Variants in MIPOL1 observed in about 807,000 individuals in gnomAD.
The protein encoded by MIPOL1 is mirror-image polydactyly gene 1 protein.
A neutral mutation model predicts 60.9 loss-of-function variants in MIPOL1; 57 were observed. The ratio of observed to expected loss-of-function variants is 0.94; its 90% CI spans 0.76 to 1.17. The LOEUF (loss-of-function observed/expected upper bound fraction) is 1.17, where lower values mean the gene tolerates loss of function less well. MIPOL1 is among the 50% of genes most tolerant of loss of function. The pLI is 0.00. For missense variants in MIPOL1, 551 were observed against 511.6 expected (o/e 1.08, Z -0.74); for synonymous variants, 179 against 168.8 (o/e 1.06, Z -0.47).
chr14:37,220,511 T>A (rs1337560115), intron 1 of MIPOL1, among the ~76,000 whole-genome samples: 1 of 152,188 alleles, frequency 6.6e-6, no homozygotes, highest in Non-Finnish European at 1.5e-5. Flanking sequence ...TATTGTGTGT[T>A]ATAGCTTATG....
chr14:37,503,344 A>G (rs78643190), intron 12 of MIPOL1: 2 of 152,228 alleles, frequency 1.3e-5, no homozygotes, highest in Non-Finnish European at 2.9e-5. Context: ...GAAGGAAAAA[A>G]TGTTAAGGGT....
In MIPOL1 at chr14:37,268,679, T is replaced by C. The variant is rs745485741; in HGVS notation, c.273T>C (p.Asn91=). 14 of 1,597,098 alleles carry C rather than the reference T, an allele frequency of 8.8e-6. No individual in the cohort carries two copies. In the Admixed American group the frequency reaches 1.1e-4, roughly 12 times the overall value. Residue 91 remains asparagine, a synonymous_variant, in exon 5 of 13, where the codon AAT becomes AAC. Transcript: ENST00000684589. ...ACAGCGTTATGGAACATAGACATAA[T>C]GATATGCATTATGAATGTATGACTC... ...EKYNVMEHRH[N]DMHYECMTPC...
intron 6 of MIPOL1, chr14:37,277,370 T>C (rs1048178125): frequency 6.6e-6 from 1 of 151,302 alleles, no homozygotes; most frequent in African/African-American, 2.4e-5. Flanking sequence ...TTTTAAGTTA[T>C]ATTTCAAAAG....
At chr14:37,399,372 A>G (rs978229997) in intron 10 of MIPOL1, among the ~76,000 whole-genome samples, 3 of 152,152 alleles carry the variant, frequency 2.0e-5, no homozygotes, top group African/African-American at 4.8e-5. Flanking sequence ...AGTATGTCCA[A>G]TCCCAGGTTC....
chr14:37,273,898 A>G (rs537858513), intron 6 of MIPOL1, among the ~76,000 whole-genome samples: 1 of 151,550 alleles, frequency 6.6e-6, no homozygotes, highest in African/African-American at 2.4e-5. Context: ...TTGTGTCTCA[A>G]ATTAATATTA....
chr14:37,205,955 A>G (rs749700371), intron 1 of MIPOL1, among the ~76,000 whole-genome samples: 4 of 152,164 alleles, frequency 2.6e-5, no homozygotes, highest in Non-Finnish European at 4.4e-5. Context: ...ATTCGGTTTT[A>G]TAAGGGAAGC....
chr14:37,369,656 A>G (rs759700701), intron 10 of MIPOL1, 32 bp downstream of exon 10: 2 of 1,542,670 alleles, frequency 1.3e-6, no homozygotes, highest in Non-Finnish European at 1.8e-6. Context: ...CAGGCAAATT[A>G]AGGTTGTAAG....
intron 12 of MIPOL1, among the ~76,000 whole-genome samples, chr14:37,531,123 G>T (rs1166144281): frequency 6.6e-6 from 1 of 152,022 alleles, no homozygotes; most frequent in Admixed American, 6.6e-5. Context: ...CAGCCAGAAA[G>T]AATTATACTA....
At chr14:37,242,711 T>C (rs1972546065) in intron 1 of MIPOL1, among the ~76,000 whole-genome samples, 2 of 152,148 alleles carry the variant, frequency 1.3e-5, no homozygotes, top group South Asian at 4.1e-4. Context: ...GATACTCTTC[T>C]AAGGATAGAG....
intron 10 of MIPOL1, among the ~76,000 whole-genome samples, chr14:37,399,255 AG>A (rs771861578): frequency 2.0e-5 from 3 of 152,214 alleles, no homozygotes; most frequent in Non-Finnish European, 2.9e-5. Flanking sequence ...AGCAGCTGCT[AG>A]TATTGGTGCC....
intron 12 of MIPOL1, among the ~76,000 whole-genome samples, chr14:37,522,740 T>G (rs1367088885): frequency 2.6e-5 from 4 of 152,174 alleles, no homozygotes; most frequent in African/African-American, 9.6e-5. Context: ...AATACATCAT[T>G]TATCGTGTAG....
intron 10 of MIPOL1, among the ~76,000 whole-genome samples, chr14:37,410,611 G>A (rs1020023158): frequency 2.0e-5 from 3 of 151,778 alleles, no homozygotes; most frequent in Admixed American, 6.6e-5. Context: ...ATGAATATTC[G>A]GTCAACAAAA....
chr14:37,236,965 G>T (rs1262241931), intron 1 of MIPOL1, among the ~76,000 whole-genome samples: 1 of 152,052 alleles, frequency 6.6e-6, no homozygotes, highest in Non-Finnish European at 1.5e-5. Context: ...TCTTTTCTGG[G>T]AATGCCTCTT....
intron 10 of MIPOL1, among the ~76,000 whole-genome samples, chr14:37,393,873 A>G (rs1566510335): frequency 6.8e-6 from 1 of 146,260 alleles, no homozygotes; most frequent in Non-Finnish European, 1.5e-5. Flanking sequence ...CCAAGTCCCC[A>G]AAGTCCATTG....
At position 37,549,907 on chromosome 14, in the gene MIPOL1, G is replaced by T. The variant is rs2153645378; in HGVS notation, c.*2936G>T. Reference sequence around the variant, plus strand: ...CCTGATGCTAAAACCTATCAGCTTAGTTTTTTAACATGGTAGTCTAAACTT... The same window carrying T: ...CCTGATGCTAAAACCTATCAGCTTATTTTTTTAACATGGTAGTCTAAACTT... On this transcript the variant is annotated 3_prime_UTR_variant, in exon 13 of 13. Transcript: ENST00000684589. The T allele has an allele frequency of 6.6e-6, 1 of 152,014 alleles. No individual in the cohort carries two copies. Among genetic ancestry groups the T allele is most frequent in the African/African-American group, 2.4e-5 (1 of 41,542 alleles). 9.4% of individuals were successfully genotyped at this position (152,014 alleles called of 1,614,324 possible). A position where few individuals can be genotyped will look rare whatever the true frequency, so the allele number is the denominator to read the frequency against.
At chr14:37,285,189 GATTGAT>G (rs1215215791) in intron 6 of MIPOL1, 123 bp from the exon 7 acceptor site, 9 of 879,244 alleles carry the variant, frequency 1.0e-5, no homozygotes, top group African/African-American at 1.7e-5. Flanking sequence ...TGAATTGATT[GATTGAT>G]ATTAATTCAG....
chr14:37,347,628 T>G (rs915709915), intron 9 of MIPOL1, among the ~76,000 whole-genome samples: 2 of 152,172 alleles, frequency 1.3e-5, no homozygotes, highest in African/African-American at 2.4e-5. Context: ...CTCCTAGAGA[T>G]ATTGTTGTAG....
intron 3 of MIPOL1, among the ~76,000 whole-genome samples, chr14:37,264,869 A>G (rs1411003402): frequency 6.6e-6 from 1 of 152,014 alleles, no homozygotes; most frequent in African/African-American, 2.4e-5. Flanking sequence ...TTTGGCTCTC[A>G]TTTCTTCTCT....
chr14:37,204,925 A>G (rs1350428510), intron 1 of MIPOL1, among the ~76,000 whole-genome samples: 2 of 152,198 alleles, frequency 1.3e-5, no homozygotes, highest in Admixed American at 1.3e-4. Flanking sequence ...GGCTTTGCCC[A>G]AAATGCTGAT....
Sources: allele counts gnomAD v4.1 joint callset (sites outside exome capture counted in the v4.1 genomes callset), GRCh38; gene constraint gnomAD v4.1.1; transcripts MANE v1.5; gene names NCBI Gene and HGNC (gene_info 2026-07-23, HGNC 2026-07-21).